Variants in ATP6V1H observed in about 807,000 individuals in gnomAD.
ATP6V1H encodes V-type proton ATPase subunit H.
In ATP6V1H, 39 loss-of-function variants were observed where a neutral mutation model predicts 71.7. The ratio of observed to expected loss-of-function variants is 0.54; its 90% CI spans 0.42 to 0.71. ATP6V1H has a LOEUF of 0.71. Ranked by LOEUF, ATP6V1H falls within the 30% of genes least tolerant of loss-of-function variation. The probability of loss-of-function intolerance (pLI) is 0.00; values close to 1 mark genes in which losing one functional copy is unlikely to be tolerated. For synonymous variants in ATP6V1H, 192 were observed against 199.3 expected (o/e 0.96, Z 0.31); for missense variants, 509 against 594.9 (o/e 0.86, Z 1.50).
intron 4 of ATP6V1H, among the ~76,000 whole-genome samples, chr8:53,821,547 G>A (rs548687806): frequency 5.9e-5 from 9 of 151,574 alleles, no homozygotes; most frequent in South Asian, 4.2e-4. Context: ...TGGGCACGGC[G>A]GCACACGCCT....
chr8:53,825,399 C>G (rs1032463731), intron 4 of ATP6V1H, among the ~76,000 whole-genome samples: 1 of 151,174 alleles, frequency 6.6e-6, no homozygotes, highest in African/African-American at 2.4e-5. Context: ...AAAACACCAA[C>G]AAACTTTTTC....
intron 7 of ATP6V1H, among the ~76,000 whole-genome samples, chr8:53,803,704 G>A (rs777541292): frequency 1.2e-4 from 18 of 152,096 alleles, no homozygotes; most frequent in Non-Finnish European, 2.4e-4. Context: ...CTGAAAACTC[G>A]AAACATTAGC....
At chr8:53,806,224 A>G (rs1415636608) in intron 7 of ATP6V1H, among the ~76,000 whole-genome samples, 2 of 152,102 alleles carry the variant, frequency 1.3e-5, no homozygotes, top group East Asian at 3.8e-4. Flanking sequence ...TTAGCAAAGG[A>G]AAAGAAAAAT....
At chr8:53,800,406 A>G (rs1049416210) in intron 8 of ATP6V1H, among the ~76,000 whole-genome samples, 1 of 152,246 alleles carries the variant, frequency 6.6e-6, no homozygotes, top group African/African-American at 2.4e-5. Context: ...AACAGAGGAA[A>G]GTGTTTCACA....
intron 6 of ATP6V1H, among the ~76,000 whole-genome samples, chr8:53,813,269 C>G (rs187326390): frequency 2.6e-5 from 4 of 152,236 alleles, no homozygotes; most frequent in Non-Finnish European, 5.9e-5. Context: ...AGATTTTGAT[C>G]AAGAAACTCT....
chr8:53,730,839 G>A (rs16919513), intron 13 of ATP6V1H, among the ~76,000 whole-genome samples: 7,691 of 152,042 alleles, frequency 0.051, 549 homozygotes, highest in African/African-American at 0.16. Context: ...CCAGGAGGAC[G>A]AAAGCACCAT....
intron 12 of ATP6V1H, among the ~76,000 whole-genome samples, chr8:53,745,673 G>A (rs552273668): frequency 2.6e-5 from 4 of 151,626 alleles, no homozygotes; most frequent in Admixed American, 1.3e-4. Flanking sequence ...GAAGGTTTGG[G>A]GGCCATTTTA....
chr8:53,798,773 C>T (rs1026718265), intron 8 of ATP6V1H, among the ~76,000 whole-genome samples: 3 of 152,130 alleles, frequency 2.0e-5, no homozygotes, highest in African/African-American at 7.2e-5. Flanking sequence ...CATTTCTCCA[C>T]CTAAAGGTTT....
At chr8:53,803,065 G>A (rs960864032) in intron 7 of ATP6V1H, among the ~76,000 whole-genome samples, 4 of 152,082 alleles carry the variant, frequency 2.6e-5, no homozygotes, top group African/African-American at 4.8e-5. Flanking sequence ...GGCTGGGTGC[G>A]GTGGCTCACG....
At chr8:53,821,097 G>A (rs1810638884) in intron 4 of ATP6V1H, among the ~76,000 whole-genome samples, 1 of 151,366 alleles carries the variant, frequency 6.6e-6, no homozygotes, top group African/African-American at 2.4e-5. Flanking sequence ...GAGGCCAGGT[G>A]CAGTAGCTCA....
At chr8:53,831,427 G>A (rs928491441) in intron 3 of ATP6V1H, among the ~76,000 whole-genome samples, 4 of 152,318 alleles carry the variant, frequency 2.6e-5, no homozygotes, top group Admixed American at 6.5e-5. Context: ...TTACAAGACC[G>A]CTATTACATA....
intron 8 of ATP6V1H, among the ~76,000 whole-genome samples, chr8:53,801,222 T>G (rs1475387205): frequency 2.9e-5 from 4 of 138,348 alleles, no homozygotes; most frequent in African/African-American, 6.8e-5. Flanking sequence ...CTCTGTAGAT[T>G]TTCTAACAGA....
intron 9 of ATP6V1H, among the ~76,000 whole-genome samples, chr8:53,783,179 T>C (rs973270870): frequency 6.6e-6 from 1 of 152,092 alleles, no homozygotes; most frequent in African/African-American, 2.4e-5. Flanking sequence ...TCCTGGACTT[T>C]TTTTGGTTGG....
intron 9 of ATP6V1H, among the ~76,000 whole-genome samples, chr8:53,773,582 A>G (rs555833303): frequency 1.9e-3 from 297 of 152,322 alleles, no homozygotes; most frequent in African/African-American, 7.1e-3. Context: ...AGAAAAGCCA[A>G]AAATAGTCTT....
chr8:53,758,635 T>G (rs993662180), intron 11 of ATP6V1H, among the ~76,000 whole-genome samples: 4 of 152,232 alleles, frequency 2.6e-5, no homozygotes, highest in Non-Finnish European at 5.9e-5. Flanking sequence ...GAATCTATGC[T>G]CCCAGGTAGC....
chr8:53,771,731 T>C (rs1043770458), intron 10 of ATP6V1H, among the ~76,000 whole-genome samples: 1 of 151,898 alleles, frequency 6.6e-6, no homozygotes, highest in East Asian at 1.9e-4. Flanking sequence ...CAGGGTGGAG[T>C]CATCCTGAGG....
chr8:53,834,720 G>A (rs1368455785), intron 2 of ATP6V1H, among the ~76,000 whole-genome samples: 1 of 152,052 alleles, frequency 6.6e-6, no homozygotes, highest in Non-Finnish European at 1.5e-5. Flanking sequence ...CACTGCGCCT[G>A]GCCCCAATAT....
chr8:53,765,132 G>A (rs575093943), intron 11 of ATP6V1H, among the ~76,000 whole-genome samples: 2 of 152,120 alleles, frequency 1.3e-5, no homozygotes, highest in Admixed American at 6.5e-5. Context: ...GGCCAGGCAT[G>A]GTGGCTCCCA....
At chr8:53,785,187 G>A (rs1352146618) in intron 9 of ATP6V1H, among the ~76,000 whole-genome samples, 1 of 152,060 alleles carries the variant, frequency 6.6e-6, no homozygotes, top group Non-Finnish European at 1.5e-5. Flanking sequence ...ATCAGACGCA[G>A]ATTTGGTCTT....
Sources: gnomAD v4.1 joint callset for allele counts (sites outside exome capture counted in the v4.1 genomes callset) on GRCh38, gnomAD v4.1.1 for gene constraint, MANE v1.5 for transcripts, NCBI Gene and HGNC (gene_info 2026-07-23, HGNC 2026-07-21) for gene names.